Variants in PCDHA6 observed in about 807,000 individuals in gnomAD.
PCDHA6 encodes protocadherin alpha 6.
Under a neutral mutation model 60.3 loss-of-function variants are expected in PCDHA6, and 55 were observed. The ratio of observed to expected loss-of-function variants is 0.91; its 90% CI spans 0.73 to 1.14. The LOEUF (loss-of-function observed/expected upper bound fraction) is 1.14. Ranked by LOEUF, PCDHA6 falls within the 50% of genes most tolerant of loss-of-function variation. PCDHA6 has a pLI of 0.00. For synonymous variants in PCDHA6, 652 were observed against 557.9 expected, an observed-to-expected ratio of 1.17 and a Z score of -2.38; for missense variants, 1,327 against 1,256.5, an observed-to-expected ratio of 1.06 and a Z score of -0.85.
intron 1 of PCDHA6, among the ~76,000 whole-genome samples, chr5:140,950,208 C>G (rs1377059178): frequency 1.3e-5 from 2 of 151,900 alleles, no homozygotes; most frequent in Non-Finnish European, 2.9e-5. Context: ...TTCTGTTTAC[C>G]TAGTCATTTA....
intron 1 of PCDHA6, chr5:140,843,831 T>C: frequency 8.9e-7 from 1 of 1,120,120 alleles, no homozygotes; most frequent in Non-Finnish European, 1.3e-6. Context: ...TAAACATTGT[T>C]TAGTTTTTAG....
chr5:140,979,408 G>GTT (rs558051720), intron 2 of PCDHA6, among the ~76,000 whole-genome samples: 2 of 147,646 alleles, frequency 1.4e-5, no homozygotes, highest in African/African-American at 2.5e-5. Context: ...TGTCTACCTT[G>GTT]TTTTTTTTTT....
intron 1 of PCDHA6, chr5:140,928,720 A>G (rs2085475122): frequency 6.2e-7 from 1 of 1,614,076 alleles, no homozygotes. Flanking sequence ...TAGTCTCTTT[A>G]GAATTTCAGC....
chr5:140,840,439 A>G (rs1776702337), intron 1 of PCDHA6, among the ~76,000 whole-genome samples: 1 of 151,972 alleles, frequency 6.6e-6, no homozygotes, highest in Non-Finnish European at 1.5e-5. Context: ...AAGCCGTGGA[A>G]ATAGAAACGT....
chr5:140,869,586 CAT>C, intron 1 of PCDHA6: 6 of 1,614,150 alleles, frequency 3.7e-6, no homozygotes, highest in Non-Finnish European at 5.1e-6. Flanking sequence ...CTGATGCTGA[CAT>C]TGAAGAGAAT....
At chr5:140,966,631 G>A in intron 1 of PCDHA6, 1 of 995,532 alleles carries the variant, frequency 1.0e-6, no homozygotes, top group Non-Finnish European at 1.4e-6. Flanking sequence ...AGCGGCCCCA[G>A]GCGCTTTCTA....
At chr5:140,971,630 C>A (rs1281130153) in intron 1 of PCDHA6, among the ~76,000 whole-genome samples, 1 of 151,972 alleles carries the variant, frequency 6.6e-6, no homozygotes, top group Non-Finnish European at 1.5e-5. Context: ...ACAATTAGTA[C>A]CATGTGCCTA....
At chr5:140,951,034 A>G (rs1407307131) in intron 1 of PCDHA6, among the ~76,000 whole-genome samples, 1 of 151,932 alleles carries the variant, frequency 6.6e-6, no homozygotes, top group African/African-American at 2.4e-5. Context: ...TTAATTTCAA[A>G]TATTATATTT....
chr5:140,995,180 A>C (rs1014057978), intron 3 of PCDHA6, among the ~76,000 whole-genome samples: 4 of 152,190 alleles, frequency 2.6e-5, no homozygotes, highest in African/African-American at 9.7e-5. Context: ...AGGTGCACCT[A>C]TGATAAAGTT....
chr5:140,934,822 T>C (rs2090051776), intron 1 of PCDHA6, among the ~76,000 whole-genome samples: 1 of 152,218 alleles, frequency 6.6e-6, no homozygotes. Flanking sequence ...ATGCTAACTT[T>C]GGCAAGTTGG....
Position 140,843,034 on chromosome 5 carries a change from T to C in PCDHA6, c.2394+12549T>C, listed in dbSNP as rs2150350687. 5.0e-6 allele frequency: 8 copies of C among 1,594,860 alleles called. 1 individual carries two copies. The African/African-American group carries it at 1.1e-4, about 21-fold the overall frequency. The stretch of plus-strand genomic sequence containing the variant: ...CGGCACTGCTGGAGCCTCGGGTGGG[T>C]GGCACTGGTGGCGCAGCGAGCAAGC... On this transcript the variant is annotated intron_variant, in intron 1 of 3. Transcript: ENST00000529310.
At chr5:140,858,274 G>C (rs376781836) in intron 1 of PCDHA6, 1 of 1,597,298 alleles carries the variant, frequency 6.3e-7, no homozygotes, top group African/African-American at 1.3e-5. Flanking sequence ...GCTCTAGCGC[G>C]GTGGGGAGCT....
chr5:140,967,873 C>T lies in PCDHA6; in HGVS notation c.2395-11076C>T, dbSNP rs1554230047. On this transcript the variant is annotated intron_variant, in intron 1 of 3. Transcript: ENST00000529310. ...ATGCCCCAGAGGTGGTGCTCACGGA[C>T]CTGTATAGCCCAGTGCCTGAGAATG... 1.9e-6 allele frequency: 3 copies of T among 1,614,152 alleles called. No homozygotes were observed. In the Admixed American group the frequency reaches 5.0e-5, roughly 27 times the overall value.
chr5:140,883,306 C>G, intron 1 of PCDHA6: 1 of 1,614,050 alleles, frequency 6.2e-7, no homozygotes, highest in Non-Finnish European at 8.5e-7. Flanking sequence ...TAAATGATAA[C>G]GCCCCAGAGG....
At chr5:140,890,248 A>G (rs2062564503) in intron 1 of PCDHA6, among the ~76,000 whole-genome samples, 1 of 152,096 alleles carries the variant, frequency 6.6e-6, no homozygotes, top group Non-Finnish European at 1.5e-5. Context: ...CCAGTACACT[A>G]CTGCACCTGA....
intron 1 of PCDHA6, chr5:140,843,306 C>A: frequency 6.3e-7 from 1 of 1,596,008 alleles, no homozygotes; most frequent in Non-Finnish European, 8.6e-7. Flanking sequence ...CTGACCGCCA[C>A]GGCCACGGTT....
intron 1 of PCDHA6, among the ~76,000 whole-genome samples, chr5:140,917,324 C>CGGGG (rs1299895515): frequency 3.9e-5 from 3 of 76,180 alleles, no homozygotes; most frequent in African/African-American, 8.6e-5. Context: ...GTTCATGTGG[C>CGGGG]GGGGGAGGGG....
chr5:140,860,295 G>C (rs1358884678), intron 1 of PCDHA6: 2 of 151,884 alleles, frequency 1.3e-5, no homozygotes, highest in Non-Finnish European at 2.9e-5. Context: ...GTGGGAGGAC[G>C]GCTTGAGCCT....
chr5:140,873,998 C>T (rs2054625298), intron 1 of PCDHA6, among the ~76,000 whole-genome samples: 1 of 152,166 alleles, frequency 6.6e-6, no homozygotes, highest in Non-Finnish European at 1.5e-5. Context: ...ATGTATGGTA[C>T]ATTGACCACT....
Sources: allele counts gnomAD v4.1 joint callset (sites outside exome capture counted in the v4.1 genomes callset), GRCh38; gene constraint gnomAD v4.1.1; transcripts MANE v1.5; gene names NCBI Gene and HGNC (gene_info 2026-07-23, HGNC 2026-07-21).